The following DCUN1D2 variants were observed in gnomAD, a reference collection of about 807,000 sequenced individuals.
DCUN1D2 encodes the protein defective in cullin neddylation 1 domain containing 2.
In DCUN1D2, 29 loss-of-function variants were observed where a neutral mutation model predicts 30.9. The ratio of observed to expected loss-of-function variants is 0.94; its 90% CI spans 0.70 to 1.28. DCUN1D2 has a LOEUF of 1.28. DCUN1D2 is among the 50% of genes most tolerant of loss of function. DCUN1D2 has a pLI of 0.00. For synonymous variants in DCUN1D2, 121 were observed against 115.3 expected, an observed-to-expected ratio of 1.05 and a Z score of -0.32; for missense variants, 325 against 316.9, an observed-to-expected ratio of 1.03 and a Z score of -0.19.
chr13:113,463,512 C>G (rs992478504), intron 4 of DCUN1D2, among the ~76,000 whole-genome samples: 1 of 151,192 alleles, frequency 6.6e-6, no homozygotes, highest in African/African-American at 2.4e-5. Flanking sequence ...GGCAACAGAG[C>G]AAGACCCTCA....
Position 113,456,281 on chromosome 13 carries a change from C to G in DCUN1D2, c.*1748G>C. On this transcript the variant is annotated 3_prime_UTR_variant, in exon 7 of 7. Transcript: ENST00000478244. ...GAAGCCAGCGGGGGCCAGGCGGGGT[C>G]TGCAGGCTGCAGGTCCCTTCCAGTC... is the stretch of plus-strand genomic sequence containing the variant. 5.0e-6 allele frequency: 2 copies of G among 398,820 alleles called. No homozygotes were observed. The highest frequency in any genetic ancestry group is 8.8e-6 in the Non-Finnish European group (2 of 226,186). 24.7% of individuals were successfully genotyped at this position (398,820 alleles called of 1,614,324 possible).
chr13:113,473,711 C>T (rs1160061450), intron 4 of DCUN1D2, among the ~76,000 whole-genome samples: 2 of 152,204 alleles, frequency 1.3e-5, no homozygotes, highest in African/African-American at 4.8e-5. Context: ...AGGGTGGTAA[C>T]GTTACAGCTG....
intron 1 of DCUN1D2, chr13:113,489,255 T>C (rs1257803348): frequency 1.5e-5 from 9 of 593,228 alleles, no homozygotes; most frequent in African/African-American, 2.0e-5. Context: ...TCCAGCATCC[T>C]GAACATGTTC....
chr13:113,478,392 C>T (rs1180863961), intron 3 of DCUN1D2, among the ~76,000 whole-genome samples: 4 of 151,458 alleles, frequency 2.6e-5, no homozygotes, highest in African/African-American at 4.9e-5. Context: ...CATCTACGTA[C>T]GTTACTTGTG....
At position 113,456,067 on chromosome 13, in the gene DCUN1D2, A is replaced by T. The variant is rs1483384874; in HGVS notation, c.*1962T>A. The T allele has an allele frequency of 1.0e-5, 4 of 397,410 alleles. No homozygotes were observed. Among genetic ancestry groups the T allele is most frequent in the Non-Finnish European group, 1.8e-5 (4 of 225,902 alleles). 24.6% of individuals were successfully genotyped at this position (397,410 alleles called of 1,614,324 possible). A position where few individuals can be genotyped will look rare whatever the true frequency, so the allele number is the denominator to read the frequency against. On this transcript the variant is annotated 3_prime_UTR_variant, in exon 7 of 7. Transcript: ENST00000478244. ...TTTCTGAACAAAACAATTACATGTC[A>T]AGAATCCATGAAGCCTGGAAGATAC...
Position 113,484,076 on chromosome 13 carries a change from T to G in DCUN1D2, c.4-20A>C. 6.2e-7 allele frequency: 1 copy of G among 1,612,114 alleles called. No individual in the cohort carries two copies. Among genetic ancestry groups the G allele is most frequent in the South Asian group, 1.1e-5 (1 of 91,048 alleles). ...CTTATGCTTTGGGATGCAAAAGAAG[T>G]AGGAAAGCCAATGAAGCCGCTCCAG... is the stretch of plus-strand genomic sequence containing the variant. On this transcript the variant is annotated intron_variant, in intron 1 of 6. Coordinates refer to ENST00000478244, the MANE Select transcript of DCUN1D2 (RefSeq NM_001014283.2).
At chr13:113,461,819 T>A (rs1295399412) in intron 4 of DCUN1D2, among the ~76,000 whole-genome samples, 1 of 152,224 alleles carries the variant, frequency 6.6e-6, no homozygotes, top group African/African-American at 2.4e-5. Flanking sequence ...TAATAGAATA[T>A]GAATGCCGAG....
intron 5 of DCUN1D2, among the ~76,000 whole-genome samples, chr13:113,460,808 C>T (rs1403838317): frequency 6.6e-6 from 1 of 152,220 alleles, no homozygotes; most frequent in Non-Finnish European, 1.5e-5. Context: ...CTGAGAGGAG[C>T]TTCCCGTGAC....
Position 113,489,129 on chromosome 13 carries a change from C to T in DCUN1D2, c.3+1538G>A, listed in dbSNP as rs1025579969. ...CCAATCATGTTGATCGAATAAACTA[C>T]GTAAGTTTATGGATCACTTTCACTC... On this transcript the variant is annotated intron_variant, in intron 1 of 6. Coordinates refer to ENST00000478244, the MANE Select transcript of DCUN1D2 (RefSeq NM_001014283.2). 1.1e-5 allele frequency: 11 copies of T among 985,250 alleles called. No individual in the cohort carries two copies. The African/African-American group carries it at 1.6e-4, about 14-fold the overall frequency. The allele number at this position is 985,250 out of a possible 1,614,324, so 61.0% of individuals were successfully genotyped here.
At position 113,461,095 on chromosome 13, in the gene DCUN1D2, C is replaced by T. The variant is rs768809957; in HGVS notation, c.562G>A (p.Gly188Arg). 3 of 1,611,318 alleles carry T rather than the reference C, an allele frequency of 1.9e-6. No homozygotes were observed. Among genetic ancestry groups the T allele is most frequent in the Non-Finnish European group, 2.5e-6 (3 of 1,178,242 alleles). The change falls in exon 5 of 7, where the codon GGA becomes AGA. Residue 188 changes from glycine to arginine, a missense_variant. Physicochemically the swap from Gly to Arg is moderately radical, Grantham distance 125 (BLOSUM62 -2). Coordinates refer to ENST00000478244, the MANE Select transcript of DCUN1D2 (RefSeq NM_001014283.2). ...CAGAGATCTAAAAATTTAAACCTTC[C>T]AGATAACACTAATTTCCAATACGCA... is the stretch of plus-strand genomic sequence containing the variant. The part of the protein sequence containing the change: ...AVAYWKLVLS[G>R]RFKFLDLWNT...
intron 4 of DCUN1D2, among the ~76,000 whole-genome samples, chr13:113,465,186 C>T (rs2044381319): frequency 6.6e-6 from 1 of 152,108 alleles, no homozygotes; most frequent in Non-Finnish European, 1.5e-5. Flanking sequence ...AGTAACAGTT[C>T]AAAATAGTCA....
chr13:113,471,771 C>A (rs1053804784), intron 4 of DCUN1D2, among the ~76,000 whole-genome samples: 1 of 152,124 alleles, frequency 6.6e-6, no homozygotes, highest in Non-Finnish European at 1.5e-5. Flanking sequence ...TTCAAAGGAT[C>A]GAAAAGGATT....
chr13:113,463,305 T>C (rs913181243), intron 4 of DCUN1D2, among the ~76,000 whole-genome samples: 4 of 152,164 alleles, frequency 2.6e-5, no homozygotes, highest in African/African-American at 9.7e-5. Flanking sequence ...CCACTTAGGA[T>C]TAGACAATGA....
rs867233535 is a variant in DCUN1D2 at position 113,456,678 on chromosome 13, G to A, written c.*1351C>T. 28 of 274,158 alleles carry A rather than the reference G, an allele frequency of 1.0e-4. No individual in the cohort carries two copies. The South Asian group carries it at 1.5e-3, about 15-fold the overall frequency. 17.0% of individuals were successfully genotyped at this position (274,158 alleles called of 1,614,324 possible). On this transcript the variant is annotated 3_prime_UTR_variant, in exon 7 of 7. Transcript: ENST00000478244. ...ACTCGTGGGTCCTCCTCAACCAGGC[G>A]GACACGAGAAACAGATGATAACATG... is the stretch of plus-strand genomic sequence containing the variant.
In DCUN1D2 at chr13:113,483,881, A is replaced by G; in HGVS notation, c.179T>C (p.Val60Ala). 6.2e-7 allele frequency: 1 copy of G among 1,613,326 alleles called. No individual in the cohort carries two copies. Among genetic ancestry groups the G allele is most frequent in the East Asian group, 2.2e-5 (1 of 44,878 alleles). Residue 60 changes from valine (V) to alanine (A), a missense_variant, in exon 2 of 7, where the codon GTG becomes GCG. Physicochemically the swap from Val to Ala is moderately conservative, Grantham distance 64. Coordinates refer to ENST00000478244, the MANE Select transcript of DCUN1D2 (RefSeq NM_001014283.2). ...SLHRESMRNAVDKKKLERLYG... is the reference protein window; with the variant it reads ...SLHRESMRNAADKKKLERLYG... ...CAGCCGCTCCAGCTTCTTCTTGTCCACAGCGTTCCGCATGGACTCCCTGTG... is the reference window on the plus strand; with the variant it reads ...CAGCCGCTCCAGCTTCTTCTTGTCCGCAGCGTTCCGCATGGACTCCCTGTG...
intron 3 of DCUN1D2, among the ~76,000 whole-genome samples, chr13:113,477,129 G>A (rs139276761): frequency 1.1e-4 from 16 of 152,134 alleles, no homozygotes; most frequent in South Asian, 2.1e-4. Flanking sequence ...TTTTGACTGC[G>A]CGTTTTCATA....
chr13:113,482,485 C>A (rs1195227010), intron 2 of DCUN1D2, among the ~76,000 whole-genome samples: 2 of 152,166 alleles, frequency 1.3e-5, no homozygotes, highest in Non-Finnish European at 2.9e-5. Flanking sequence ...GAACAATTTT[C>A]ATTCTTTGGG....
intron 3 of DCUN1D2, chr13:113,479,028 T>G (rs879464967): frequency 6.6e-6 from 1 of 152,196 alleles, no homozygotes; most frequent in African/African-American, 2.4e-5. Context: ...TAAGCCCAGC[T>G]CTGGGAAAAT....
At chr13:113,464,391 G>A (rs554484234) in intron 4 of DCUN1D2, among the ~76,000 whole-genome samples, 2 of 152,314 alleles carry the variant, frequency 1.3e-5, no homozygotes, top group African/African-American at 2.4e-5. Flanking sequence ...GGCTGAACAT[G>A]GTAGGTCCTG....
Sources: gnomAD v4.1 joint callset for allele counts (sites outside exome capture counted in the v4.1 genomes callset) on GRCh38, gnomAD v4.1.1 for gene constraint, MANE v1.5 for transcripts, NCBI Gene and HGNC (gene_info 2026-07-23, HGNC 2026-07-21) for gene names.